MCM2: variants seen among roughly 807,000 people sequenced by gnomAD.
MCM2 encodes the protein DNA replication licensing factor MCM2.
A neutral mutation model predicts 86.4 loss-of-function variants in MCM2; 49 were observed. That is an observed-to-expected ratio of 0.57 (90% CI 0.45 to 0.72). The LOEUF is 0.72. MCM2 is among the 30% of genes least tolerant of loss of function. The probability of loss-of-function intolerance (pLI) is 0.00; values close to 1 mark genes in which losing one functional copy is unlikely to be tolerated. For synonymous variants in MCM2, 475 were observed against 484.6 expected (o/e 0.98, Z 0.26); for missense variants, 1,038 against 1,259.9 (o/e 0.82, Z 2.67).
chr3:127,621,830 C>G lies in MCM2; in HGVS notation c.*57C>G. 7.4e-7 allele frequency: 1 copy of G among 1,355,418 alleles called. No homozygotes were observed. The highest frequency in any genetic ancestry group is 1.4e-5 in the African/African-American group (1 of 69,182). The allele number at this position is 1,355,418 out of a possible 1,614,324, so 84.0% of individuals were successfully genotyped here. On this transcript the variant is annotated 3_prime_UTR_variant, in exon 16 of 16. Coordinates refer to ENST00000265056, the MANE Select transcript of MCM2 (RefSeq NM_004526.4). ...ATTCTGGTTTGGGGTGGTCAGTGCC[C>G]TCTGTGCTTTATGGACACAAAACCA...
intron 8 of MCM2, 58 bp from the exon 9 acceptor site, chr3:127,615,804 G>A (rs2074428361): frequency 7.9e-6 from 10 of 1,263,536 alleles, no homozygotes; most frequent in Non-Finnish European, 1.2e-5. Flanking sequence ...AGAGCATGTG[G>A]GTGACCTACT....
Position 127,621,685 on chromosome 3 carries a change from A to G in MCM2, c.2627A>G (p.Asn876Ser), listed in dbSNP as rs776700956. Residue 876 changes from asparagine (N) to serine (S), a missense_variant, in exon 16 of 16, where the codon AAC (asparagine) becomes AGC (serine). By Grantham distance (46) the Asn-to-Ser change is conservative. Coordinates refer to ENST00000265056, the MANE Select transcript of MCM2 (RefSeq NM_004526.4). ...CAGGCTCGTCAGATCAACATCCACA[A>G]CCTCTCTGCATTTTATGACAGTGAG... ...VDKARQINIH[N>S]LSAFYDSELF... is the part of the protein sequence containing the mutation. The G allele has an allele frequency of 2.0e-5, 32 of 1,613,702 alleles. No homozygotes were observed. In the South Asian group the frequency reaches 3.4e-4, roughly 17 times the overall value.
Position 127,621,744 on chromosome 3 carries a change from A to T in MCM2, c.2686A>T (p.Lys896Ter), listed in dbSNP as rs766655042. The T allele has an allele frequency of 6.2e-7, 1 of 1,614,046 alleles. No individual in the cohort carries two copies. Among genetic ancestry groups the T allele is most frequent in the Non-Finnish European group, 8.5e-7 (1 of 1,179,944 alleles). ...GATGAACAAGTTCAGCCACGACCTGAAAAGGAAAATGATCCTGCAGCAGTT... is the reference window on the plus strand; with the variant it reads ...GATGAACAAGTTCAGCCACGACCTGTAAAGGAAAATGATCCTGCAGCAGTT... ...FRMNKFSHDL[K>*]RKMILQQF is the part of the protein sequence containing the mutation. Residue 896 changes from lysine (K) to a stop codon, truncating the protein, a stop_gained, in exon 16 of 16, where the codon AAA (lysine) becomes TAA (stop). Transcript: ENST00000265056. LOFTEE classifies it high-confidence loss of function.
In MCM2 at chr3:127,618,152, A is replaced by G. The variant is rs1447705175; in HGVS notation, c.2013+71A>G. On this transcript the variant is annotated intron_variant, in intron 12 of 15. Transcript: ENST00000265056. The surrounding 1 kb of genome is among the most constrained non-coding windows in gnomAD (Gnocchi z 4.0). Reference sequence around the variant, plus strand: ...CCTCAGGTGAGGCTTGGGGTCATACAGTGTGCCCAACACAGGGGACAGGTG... The same window carrying G: ...CCTCAGGTGAGGCTTGGGGTCATACGGTGTGCCCAACACAGGGGACAGGTG... The G allele has an allele frequency of 4.9e-6, 6 of 1,229,660 alleles. No homozygotes were observed. The highest frequency in any genetic ancestry group is 1.9e-4 in the Middle Eastern group (1 of 5,316). The allele number at this position is 1,229,660 out of a possible 1,614,324, so 76.2% of individuals were successfully genotyped here.
intron 8 of MCM2, among the ~76,000 whole-genome samples, chr3:127,611,629 G>T (rs1187171396): frequency 7.3e-6 from 1 of 137,350 alleles, no homozygotes; most frequent in African/African-American, 2.7e-5. Flanking sequence ...GCTGACTTCT[G>T]TCTTCTGCAG....
intron 8 of MCM2, among the ~76,000 whole-genome samples, chr3:127,612,404 T>C (rs913959788): frequency 6.6e-6 from 1 of 152,220 alleles, no homozygotes; most frequent in Non-Finnish European, 1.5e-5. Flanking sequence ...CACCCTTATC[T>C]ATAGAAATGA....
chr3:127,600,409 C>T (rs891211962), intron 2 of MCM2, among the ~76,000 whole-genome samples: 10 of 152,196 alleles, frequency 6.6e-5, no homozygotes, highest in Non-Finnish European at 1.2e-4. Context: ...TGGTAGATAA[C>T]GTCAGTAGCG....
At position 127,606,332 on chromosome 3, in the gene MCM2, G is replaced by T; in HGVS notation, c.888G>T (p.Ser296=). 1.2e-6 allele frequency: 2 copies of T among 1,614,092 alleles called. No individual in the cohort carries two copies. The highest frequency in any genetic ancestry group is 1.7e-6 in the Non-Finnish European group (2 of 1,179,930). The change falls in exon 5 of 16, where the codon TCG becomes TCT. Residue 296 remains serine, a synonymous_variant. Coordinates refer to ENST00000265056, the MANE Select transcript of MCM2 (RefSeq NM_004526.4). The surrounding 1 kb of genome is among the most constrained non-coding windows in gnomAD (Gnocchi z 4.2). ...TGCCTCTGGTGGAGGAGCTGCGCTC[G>T]CTGAGGTGAGCTGAGGGCAGGTGAG... ...SHLPLVEELR[S]LRQLHLNQLI... is the part of the protein sequence containing the mutation.
In MCM2 at chr3:127,617,490, A is replaced by G. The variant is rs1003288269; in HGVS notation, c.1900+85A>G. On this transcript the variant is annotated intron_variant, in intron 11 of 15. Coordinates refer to ENST00000265056, the MANE Select transcript of MCM2 (RefSeq NM_004526.4). This position sits in a 1 kb window ranked among gnomAD's most constrained non-coding sequence, Gnocchi z 4.1. ...TGAATTGGGAGCCCACGGGGTCCCC[A>G]GGAGCCGATCTGAGGAAGTCATTGT... is the stretch of plus-strand genomic sequence containing the variant. 96 of 1,485,434 alleles carry G rather than the reference A, an allele frequency of 6.5e-5. 1 individual carries two copies. Among genetic ancestry groups the G allele is most frequent in the East Asian group, 4.9e-5 (2 of 40,766 alleles). The allele number at this position is 1,485,434 out of a possible 1,614,324, so 92.0% of individuals were successfully genotyped here.
chr3:127,619,166 A>G lies in MCM2; in HGVS notation c.2153A>G (p.Glu718Gly), dbSNP rs1576420359. The G allele has an allele frequency of 2.5e-6, 4 of 1,614,188 alleles. No homozygotes were observed. The East Asian group carries it at 8.9e-5, about 36-fold the overall frequency. Residue 718 changes from glutamate (E) to glycine (G), a missense_variant, in exon 13 of 16, where the codon GAG (glutamate) becomes GGG (glycine). This residue lies in a region of MCM2 where 336 missense variants were observed against 425.7 expected (regional missense o/e 0.79). Coordinates refer to ENST00000265056, the MANE Select transcript of MCM2 (RefSeq NM_004526.4). ...NTYGVEPLPQEVLKKYIIYAK... is the reference protein window; with the variant it reads ...NTYGVEPLPQGVLKKYIIYAK... The stretch of plus-strand genomic sequence containing the variant: ...TATGGCGTGGAGCCCCTGCCCCAGG[A>G]GGTCCTGAAGAAGTACATCATCTAC...
intron 8 of MCM2, among the ~76,000 whole-genome samples, chr3:127,612,656 A>G (rs1339229092): frequency 6.6e-6 from 1 of 152,178 alleles, no homozygotes; most frequent in Non-Finnish European, 1.5e-5. Flanking sequence ...TACACACATT[A>G]TCTCAGGCTC....
chr3:127,615,284 C>A (rs1174994248), intron 8 of MCM2, among the ~76,000 whole-genome samples: 1 of 152,220 alleles, frequency 6.6e-6, no homozygotes, highest in African/African-American at 2.4e-5. Context: ...GTCTCTAATT[C>A]TATCTAAAAT....
Position 127,606,843 on chromosome 3 carries a change from C to T in MCM2, c.1101+26C>T, listed in dbSNP as rs541101468. 4 of 1,610,058 alleles carry T rather than the reference C, an allele frequency of 2.5e-6. No homozygotes were observed. The highest frequency in any genetic ancestry group is 2.7e-5 in the African/African-American group (2 of 74,944). ...GTGAGAGAGGACACAAGGTCTGCTG[C>T]CAGCTGTCCTTAGGGGTGCCCAGTA... On this transcript the variant is annotated intron_variant, in intron 6 of 15. Coordinates refer to ENST00000265056, the MANE Select transcript of MCM2 (RefSeq NM_004526.4). This position sits in a 1 kb window ranked among gnomAD's most constrained non-coding sequence, Gnocchi z 4.2.
rs2074443729 is a variant in MCM2 at position 127,617,653 on chromosome 3, C to T, written c.1900+248C>T. ...GTTCTCAGAAGGCATGGGAGGAGAG[C>T]CCAGTGCCCCTCTGGCCAGGATGGA... is the stretch of plus-strand genomic sequence containing the variant. On this transcript the variant is annotated intron_variant, in intron 11 of 15. Coordinates refer to ENST00000265056, the MANE Select transcript of MCM2 (RefSeq NM_004526.4). The surrounding 1 kb of genome is among the most constrained non-coding windows in gnomAD (Gnocchi z 4.1). 2 of 604,620 alleles carry T rather than the reference C, an allele frequency of 3.3e-6. No individual in the cohort carries two copies. The highest frequency in any genetic ancestry group is 4.0e-5 in the South Asian group (2 of 49,816). The allele number at this position is 604,620 out of a possible 1,614,324, so 37.5% of individuals were successfully genotyped here. A position where few individuals can be genotyped will look rare whatever the true frequency, so the allele number is the denominator to read the frequency against.
intron 6 of MCM2, among the ~76,000 whole-genome samples, chr3:127,608,150 A>C (rs2074364332): frequency 6.6e-6 from 1 of 152,228 alleles, no homozygotes; most frequent in Non-Finnish European, 1.5e-5. Flanking sequence ...GCTGTAAAGC[A>C]TAGAGCAGGT....
chr3:127,611,713 T>G (rs1157673427), intron 8 of MCM2, among the ~76,000 whole-genome samples: 1 of 106,704 alleles, frequency 9.4e-6, no homozygotes, highest in Non-Finnish European at 2.0e-5. Flanking sequence ...TTTTTTTTTT[T>G]TTTGAGACGG....
At chr3:127,620,417 T>C (rs902621696) in intron 13 of MCM2, among the ~76,000 whole-genome samples, 1 of 152,214 alleles carries the variant, frequency 6.6e-6, no homozygotes, top group Non-Finnish European at 1.5e-5. Flanking sequence ...TGGCCACAAA[T>C]ACAACAGCCT....
At chr3:127,619,618 G>A (rs1288908264) in intron 13 of MCM2, among the ~76,000 whole-genome samples, 3 of 152,186 alleles carry the variant, frequency 2.0e-5, no homozygotes, top group Non-Finnish European at 1.5e-5. Context: ...GGCGGAGGGT[G>A]CAGTGAGCTG....
chr3:127,610,349 A>C (rs17496999), intron 8 of MCM2, among the ~76,000 whole-genome samples: 3,898 of 152,270 alleles, frequency 0.026, 62 homozygotes, highest in South Asian at 0.06. Flanking sequence ...GCCTGGCTGC[A>C]GGAGGCCCTG....
Sources: gnomAD v4.1 joint callset for allele counts (sites outside exome capture counted in the v4.1 genomes callset) on GRCh38, gnomAD v4.1.1 for gene constraint, gnomAD v4.1.1 regional missense constraint, Gnocchi (gnomAD v3.1) non-coding constraint, MANE v1.5 for transcripts, NCBI Gene and HGNC (gene_info 2026-07-23, HGNC 2026-07-21) for gene names.